Variants in BORCS5 observed in about 807,000 individuals in gnomAD.
The protein encoded by BORCS5 is BLOC-1 related complex subunit 5.
In BORCS5, 17 loss-of-function variants were observed where a neutral mutation model predicts 22.1. The ratio of observed to expected loss-of-function variants is 0.77; its 90% confidence interval spans 0.53 to 1.15. The LOEUF (loss-of-function observed/expected upper bound fraction) is 1.15. Among genes scored for constraint, BORCS5 ranks in the 50% most tolerant of loss-of-function variants. The pLI is 0.00. For missense variants in BORCS5, 247 were observed against 253.2 expected (o/e 0.98, Z 0.17); for synonymous variants, 117 against 99.8 (o/e 1.17, Z -1.03).
intron 2 of BORCS5, among the ~76,000 whole-genome samples, chr12:12,378,027 A>G (rs1364105121): frequency 1.3e-5 from 2 of 152,222 alleles, no homozygotes; most frequent in Admixed American, 6.5e-5. Context: ...GCACTTGAAG[A>G]AGAATGAATT....
intron 2 of BORCS5, among the ~76,000 whole-genome samples, chr12:12,400,128 T>C (rs1941435232): frequency 6.6e-6 from 1 of 152,254 alleles, no homozygotes; most frequent in African/African-American, 2.4e-5. Flanking sequence ...TTTTCCGTAA[T>C]GCTTCCCCTA....
At chr12:12,368,195 C>T (rs568404316) in intron 2 of BORCS5, among the ~76,000 whole-genome samples, 9 of 151,820 alleles carry the variant, frequency 5.9e-5, no homozygotes, top group East Asian at 5.8e-4. Flanking sequence ...TCTTCTTTTC[C>T]GTATTTAACA....
chr12:12,451,743 C>CT (rs34796703), intron 3 of BORCS5, among the ~76,000 whole-genome samples: 92,374 of 151,186 alleles, frequency 0.61, 29,423 homozygotes, highest in African/African-American at 0.79. Context: ...ACTAAAAGTA[C>CT]TTTTTTTGTA....
At chr12:12,423,146 C>T (rs1005792219) in intron 2 of BORCS5, among the ~76,000 whole-genome samples, 39 of 152,130 alleles carry the variant, frequency 2.6e-4, no homozygotes, top group South Asian at 6.2e-4. Flanking sequence ...GGACTAAAGG[C>T]GCCCGCCACC....
intron 3 of BORCS5, among the ~76,000 whole-genome samples, chr12:12,443,685 G>A (rs981714507): frequency 2.6e-5 from 4 of 152,224 alleles, no homozygotes; most frequent in Non-Finnish European, 4.4e-5. Flanking sequence ...AGCAGAGCCC[G>A]GTTATTTGAC....
intron 2 of BORCS5, among the ~76,000 whole-genome samples, chr12:12,414,209 T>C (rs867206984): frequency 0.094 from 6,210 of 65,802 alleles, 281 homozygotes; most frequent in Non-Finnish European, 0.14. Flanking sequence ...GGCGGGGGGC[T>C]GACCCCCCCA....
chr12:12,432,219 G>A (rs748245921), intron 2 of BORCS5, among the ~76,000 whole-genome samples: 1 of 152,010 alleles, frequency 6.6e-6, no homozygotes, highest in Admixed American at 6.6e-5. Context: ...TATGGCTTTT[G>A]CATTATCCTG....
intron 3 of BORCS5, among the ~76,000 whole-genome samples, chr12:12,449,345 G>A (rs1942859509): frequency 6.6e-6 from 1 of 152,232 alleles, no homozygotes; most frequent in South Asian, 2.1e-4. Context: ...CAAGGAACGG[G>A]AGGAGTGGGA....
intron 2 of BORCS5, among the ~76,000 whole-genome samples, chr12:12,391,647 G>A (rs78890466): frequency 0.084 from 12,587 of 150,582 alleles, 652 homozygotes; most frequent in East Asian, 0.24. Context: ...CTTGGCCTCC[G>A]AAAGTGCTGG....
chr12:12,465,458 G>T lies in BORCS5; in HGVS notation c.361-88G>T, dbSNP rs1943182837. On this transcript the variant is annotated intron_variant, in intron 3 of 3. Transcript: ENST00000314565. ...TTGTCAGCTTCCACTGGATCTGCGGGACTGTGTCCCTCACAGGCTGGACAC... is the reference window on the plus strand; with the variant it reads ...TTGTCAGCTTCCACTGGATCTGCGGTACTGTGTCCCTCACAGGCTGGACAC... 1.7e-5 allele frequency: 19 copies of T among 1,150,506 alleles called. No individual in the cohort carries two copies. In the East Asian group the frequency reaches 3.6e-4, roughly 22 times the overall value. 71.3% of individuals were successfully genotyped at this position (1,150,506 alleles called of 1,614,324 possible).
At chr12:12,372,795 C>T (rs149572061) in intron 2 of BORCS5, among the ~76,000 whole-genome samples, 1 of 152,250 alleles carries the variant, frequency 6.6e-6, no homozygotes, top group Non-Finnish European at 1.5e-5. Flanking sequence ...TAGTTTTCTC[C>T]AGTCTCTGGA....
chr12:12,406,279 T>C (rs1227073353), intron 2 of BORCS5, among the ~76,000 whole-genome samples: 1 of 152,244 alleles, frequency 6.6e-6, no homozygotes, highest in African/African-American at 2.4e-5. Flanking sequence ...GTTGAGATTA[T>C]TTTCCTTATT....
chr12:12,465,841 A>G lies in BORCS5; in HGVS notation c.*65A>G. On this transcript the variant is annotated 3_prime_UTR_variant, in exon 4 of 4. Coordinates refer to ENST00000314565, the MANE Select transcript of BORCS5 (RefSeq NM_058169.6). ...CGACACCCTGAGGACGTGTGGAGCT[A>G]AGGTCATATCATCTGACCAGGTCTG... 1 of 1,403,404 alleles carries G rather than the reference A, an allele frequency of 7.1e-7. No homozygotes were observed. The highest frequency in any genetic ancestry group is 1.2e-5 in the South Asian group (1 of 81,790). 86.9% of individuals were successfully genotyped at this position (1,403,404 alleles called of 1,614,324 possible). A position where few individuals can be genotyped will look rare whatever the true frequency, so the allele number is the denominator to read the frequency against.
At chr12:12,413,861 C>T (rs1458514462) in intron 2 of BORCS5, among the ~76,000 whole-genome samples, 1 of 66,448 alleles carries the variant, frequency 1.5e-5, no homozygotes, top group Non-Finnish European at 3.0e-5. Flanking sequence ...CCCTCCCGGA[C>T]GGGGTGGCTG....
chr12:12,417,805 T>C (rs1484739343), intron 2 of BORCS5, among the ~76,000 whole-genome samples: 1 of 151,910 alleles, frequency 6.6e-6, no homozygotes, highest in Non-Finnish European at 1.5e-5. Flanking sequence ...TCATACCCAG[T>C]TAATTTTTAT....
intron 2 of BORCS5, among the ~76,000 whole-genome samples, chr12:12,370,739 T>G (rs1863507416): frequency 6.6e-6 from 1 of 152,076 alleles, no homozygotes; most frequent in African/African-American, 2.4e-5. Context: ...GCATCTTCAA[T>G]CTAACTTCCT....
chr12:12,435,934 C>G (rs1942546249), intron 3 of BORCS5, 149 bp downstream of exon 3: 1 of 746,418 alleles, frequency 1.3e-6, no homozygotes, highest in African/African-American at 1.8e-5. Context: ...AAAAAGTGGT[C>G]CACAGAGCTG....
At chr12:12,421,330 C>G (rs1243932697) in intron 2 of BORCS5, among the ~76,000 whole-genome samples, 2 of 152,098 alleles carry the variant, frequency 1.3e-5, no homozygotes, top group African/African-American at 4.8e-5. Context: ...GTGGTCGGTT[C>G]TGTTTATGTG....
intron 2 of BORCS5, among the ~76,000 whole-genome samples, chr12:12,427,172 CTTTTTTTTTTT>C (rs869191667): frequency 3.6e-5 from 3 of 84,488 alleles, no homozygotes; most frequent in Non-Finnish European, 6.3e-5. Context: ...TCTTTCTTTT[CTTTTTTTTTTT>C]TTTTTTTTTT....
Sources: gnomAD v4.1 joint callset for allele counts (sites outside exome capture counted in the v4.1 genomes callset) on GRCh38, gnomAD v4.1.1 for gene constraint, MANE v1.5 for transcripts, NCBI Gene and HGNC (gene_info 2026-07-23, HGNC 2026-07-21) for gene names.